The following NAALADL2 variants were observed in gnomAD, a reference collection of about 807,000 sequenced individuals.
NAALADL2 encodes inactive N-acetylated-alpha-linked acidic dipeptidase-like protein 2.
NAALADL2 carries 76 observed loss-of-function variants against 87.2 expected under a neutral mutation model. The ratio of observed to expected loss-of-function variants is 0.87; its 90% CI spans 0.72 to 1.05. NAALADL2 has a LOEUF of 1.05. Ranked by LOEUF, NAALADL2 falls within the 50% of genes least tolerant of loss-of-function variation. The probability of loss-of-function intolerance (pLI) is 0.00; values close to 1 mark genes in which losing one functional copy is unlikely to be tolerated. For synonymous variants in NAALADL2, 354 were observed against 331.0 expected (o/e 1.07, Z -0.75); for missense variants, 1,089 against 945.8 (o/e 1.15, Z -1.99).
chr3:174,952,665 C>T (rs760504317), intron 1 of NAALADL2, among the ~76,000 whole-genome samples: 2 of 152,130 alleles, frequency 1.3e-5, no homozygotes, highest in Middle Eastern at 3.4e-3. Flanking sequence ...AGGTTGCTGA[C>T]GTGGTTGTGT....
At chr3:175,758,102 T>G (rs9814268) in intron 13 of NAALADL2, among the ~76,000 whole-genome samples, 24,829 of 152,038 alleles carry the variant, frequency 0.16, 2,333 homozygotes, top group African/African-American at 0.26. Context: ...CTCAATTTAC[T>G]TTATCATGCA....
intron 2 of NAALADL2, among the ~76,000 whole-genome samples, chr3:175,101,729 AAATT>A (rs1364302631): frequency 6.6e-6 from 1 of 152,238 alleles, no homozygotes; most frequent in African/African-American, 2.4e-5. Context: ...TTGAATGGAT[AAATT>A]AATGAGGTTT....
At chr3:175,266,657 A>T (rs1340708015) in intron 4 of NAALADL2, among the ~76,000 whole-genome samples, 1 of 151,710 alleles carries the variant, frequency 6.6e-6, no homozygotes, top group Admixed American at 6.6e-5. Context: ...TACAAAGATA[A>T]TTTTCAGGAA....
chr3:175,576,481 A>C (rs1236159285), intron 10 of NAALADL2, among the ~76,000 whole-genome samples: 1 of 152,206 alleles, frequency 6.6e-6, no homozygotes, highest in East Asian at 1.9e-4. Context: ...ACATAATTGT[A>C]ATCTTTGGTA....
chr3:175,653,158 G>A (rs1315547297), intron 11 of NAALADL2, among the ~76,000 whole-genome samples: 1 of 152,070 alleles, frequency 6.6e-6, no homozygotes, highest in Non-Finnish European at 1.5e-5. Flanking sequence ...GAAGAGAAGG[G>A]GCTGGTCTTG....
At chr3:174,797,292 G>GTTTT (rs1468962061) in intron 3 of NAALADL2, among the ~76,000 whole-genome samples, 2 of 109,644 alleles carry the variant, frequency 1.8e-5, no homozygotes, top group Admixed American at 9.2e-5. Flanking sequence ...TTTTTCTTTT[G>GTTTT]TTTTTCTTTT....
At chr3:175,142,836 A>G (rs1730199302) in intron 2 of NAALADL2, among the ~76,000 whole-genome samples, 3 of 152,000 alleles carry the variant, frequency 2.0e-5, no homozygotes, top group African/African-American at 4.8e-5. Flanking sequence ...ACTCTATTTG[A>G]AGAGGGATAT....
chr3:174,742,825 TATG>T (rs1037597187), intron 3 of NAALADL2, among the ~76,000 whole-genome samples: 1 of 151,608 alleles, frequency 6.6e-6, no homozygotes, highest in African/African-American at 2.4e-5. Flanking sequence ...GATAGACAAA[TATG>T]AGAATATAAA....
At chr3:174,615,491 A>G (rs1028349153) in intron 2 of NAALADL2, among the ~76,000 whole-genome samples, 3 of 152,200 alleles carry the variant, frequency 2.0e-5, no homozygotes, top group African/African-American at 4.8e-5. Flanking sequence ...TAGCACTATC[A>G]TTGGGAAGAT....
chr3:175,325,193 A>G (rs1760554038), intron 5 of NAALADL2, among the ~76,000 whole-genome samples: 1 of 152,134 alleles, frequency 6.6e-6, no homozygotes, highest in Non-Finnish European at 1.5e-5. Flanking sequence ...TTTACTGGTT[A>G]TCTTACTCAA....
In NAALADL2 at chr3:174,885,876, GTTTTTTTTTTTTTTTTTTTTTTTTTTTT is replaced by G. The variant is rs60403770; in HGVS notation, c.43+26455_43+26482del. On this transcript the variant is annotated intron_variant, in intron 1 of 13. Transcript: ENST00000454872. ...GGAGCAAGGAGAGCCAGTCCGAGTT[GTTTTTTTTTTTTTTTTTTTTTTTTTTTT>G]TTTTTTTTTTTTTTTTTTTTTTTTT... Among the ~76,000 whole-genome samples, 150 of 101,654 alleles carry G rather than the reference GTTTTTTTTTTTTTTTTTTTTTTTTTTTT, an allele frequency of 1.5e-3. 4 individuals carry two copies. Among genetic ancestry groups the G allele is most frequent in the African/African-American group, 4.4e-3 (117 of 26,674 alleles). 66.7% of individuals were successfully genotyped at this position (101,654 alleles called of 152,430 possible). A position where few individuals can be genotyped will look rare whatever the true frequency, so the allele number is the denominator to read the frequency against.
chr3:175,229,140 A>T (rs1744576472), intron 2 of NAALADL2, among the ~76,000 whole-genome samples: 1 of 151,954 alleles, frequency 6.6e-6, no homozygotes, highest in Non-Finnish European at 1.5e-5. Flanking sequence ...TATACATTAT[A>T]ACATGGATAT....
chr3:174,718,366 G>A (rs1431507261), intron 2 of NAALADL2, among the ~76,000 whole-genome samples: 1 of 152,138 alleles, frequency 6.6e-6, no homozygotes, highest in Non-Finnish European at 1.5e-5. Flanking sequence ...AGCTAAAATA[G>A]GAGGTTACAG....
intron 1 of NAALADL2, among the ~76,000 whole-genome samples, chr3:175,038,067 T>C (rs1482117200): frequency 2.0e-5 from 3 of 152,166 alleles, no homozygotes; most frequent in Non-Finnish European, 4.4e-5. Context: ...ACTTTTTTAT[T>C]GTCATGACAG....
At chr3:174,670,489 A>AT (rs1726427893) in intron 2 of NAALADL2, among the ~76,000 whole-genome samples, 1 of 151,426 alleles carries the variant, frequency 6.6e-6, no homozygotes, top group South Asian at 2.1e-4. Context: ...TAATTTGTTT[A>AT]TTTTTTTCTT....
intron 9 of NAALADL2, among the ~76,000 whole-genome samples, chr3:175,515,121 T>G (rs1232796190): frequency 6.6e-6 from 1 of 152,228 alleles, no homozygotes; most frequent in Non-Finnish European, 1.5e-5. Flanking sequence ...TGTCATGGTG[T>G]TTGATCAATT....
intron 3 of NAALADL2, among the ~76,000 whole-genome samples, chr3:174,763,839 AAAAC>A (rs1287204785): frequency 2.6e-5 from 4 of 151,902 alleles, no homozygotes; most frequent in Non-Finnish European, 5.9e-5. Context: ...CAAAAAAAAA[AAAAC>A]AAACAAAATT....
intron 2 of NAALADL2, among the ~76,000 whole-genome samples, chr3:175,205,735 C>CA (rs1378394591): frequency 6.6e-6 from 1 of 151,030 alleles, no homozygotes; most frequent in East Asian, 1.9e-4. Flanking sequence ...ATAACAAACT[C>CA]AAAAAAATCA....
intron 11 of NAALADL2, among the ~76,000 whole-genome samples, chr3:175,669,621 A>G (rs796922862): frequency 4.6e-5 from 7 of 152,050 alleles, no homozygotes; most frequent in South Asian, 4.1e-4. Context: ...ATTGAAAAAC[A>G]CTATTTGCAG....
Sources: gnomAD v4.1 joint callset for allele counts (sites outside exome capture counted in the v4.1 genomes callset) on GRCh38, gnomAD v4.1.1 for gene constraint, MANE v1.5 for transcripts, NCBI Gene and HGNC (gene_info 2026-07-23, HGNC 2026-07-21) for gene names.